Variants in ARHGAP42 observed in about 807,000 individuals in gnomAD.
The protein encoded by ARHGAP42 is Rho GTPase activating protein 42, also known as rho GTPase-activating protein 42.
A neutral mutation model predicts 125.0 loss-of-function variants in ARHGAP42; 63 were observed. The observed-to-expected ratio is 0.50, with a 90% CI of 0.41 to 0.62. The LOEUF is 0.62. Among genes scored for constraint, ARHGAP42 ranks in the 20% least tolerant of loss-of-function variants. The pLI is 0.00. For missense variants in ARHGAP42, 766 were observed against 1,024.2 expected, an observed-to-expected ratio of 0.75 and a Z score of 3.44; for synonymous variants, 339 against 351.0, an observed-to-expected ratio of 0.97 and a Z score of 0.38.
chr11:100,981,866 G>A (rs993885629), intron 22 of ARHGAP42, among the ~76,000 whole-genome samples: 3 of 152,150 alleles, frequency 2.0e-5, no homozygotes, highest in East Asian at 1.9e-4. Context: ...AGACAGTGTT[G>A]GAAAGAATGG....
chr11:100,783,233 C>G (rs1323243397), intron 2 of ARHGAP42, among the ~76,000 whole-genome samples: 2 of 152,086 alleles, frequency 1.3e-5, no homozygotes, highest in Admixed American at 1.3e-4. Flanking sequence ...CCCAGGAGTT[C>G]GAGACCAGCC....
chr11:100,736,909 C>T (rs1862079898), intron 1 of ARHGAP42, among the ~76,000 whole-genome samples: 1 of 152,098 alleles, frequency 6.6e-6, no homozygotes, highest in Non-Finnish European at 1.5e-5. Context: ...CCAGGAAACA[C>T]CAGGGATAGA....
At chr11:100,766,164 A>G (rs965139970) in intron 1 of ARHGAP42, among the ~76,000 whole-genome samples, 2 of 151,872 alleles carry the variant, frequency 1.3e-5, no homozygotes, top group African/African-American at 4.8e-5. Flanking sequence ...TATGATGTGA[A>G]TGCATGTGAA....
At chr11:100,941,983 T>A in intron 9 of ARHGAP42, 99 bp downstream of exon 9, 1 of 883,072 alleles carries the variant, frequency 1.1e-6, no homozygotes, top group Non-Finnish European at 1.7e-6. Context: ...AGTTAACATG[T>A]ACACATTTAC....
chr11:100,931,434 C>G (rs1008534665), intron 6 of ARHGAP42, among the ~76,000 whole-genome samples: 6 of 152,086 alleles, frequency 3.9e-5, no homozygotes, highest in Non-Finnish European at 8.8e-5. Context: ...GTCTTTTTTC[C>G]ATGTTCTAGA....
intron 10 of ARHGAP42, 89 bp downstream of exon 10, chr11:100,943,957 G>C (rs145445691): frequency 2.8e-5 from 23 of 830,116 alleles, no homozygotes; most frequent in Non-Finnish European, 3.6e-5. Context: ...CAGCATTCAA[G>C]TGTTTTTTAG....
chr11:100,763,129 C>T (rs1307812060), intron 1 of ARHGAP42, among the ~76,000 whole-genome samples: 2 of 151,484 alleles, frequency 1.3e-5, no homozygotes, highest in Non-Finnish European at 2.9e-5. Flanking sequence ...CAGGCATGCG[C>T]TACCATGCCC....
chr11:100,958,944 TA>T (rs1261527969), intron 12 of ARHGAP42, among the ~76,000 whole-genome samples: 8 of 152,008 alleles, frequency 5.3e-5, no homozygotes, highest in South Asian at 2.1e-4. Flanking sequence ...TTTTGATATA[TA>T]TTTTTTTGTC....
At chr11:100,800,670 G>A (rs1181160624) in intron 3 of ARHGAP42, among the ~76,000 whole-genome samples, 4 of 152,104 alleles carry the variant, frequency 2.6e-5, no homozygotes, top group Non-Finnish European at 4.4e-5. Flanking sequence ...CCATGTTTCT[G>A]TTTTTGGGGC....
At chr11:100,700,946 T>A (rs1243468819) in intron 1 of ARHGAP42, among the ~76,000 whole-genome samples, 1 of 152,246 alleles carries the variant, frequency 6.6e-6, no homozygotes, top group African/African-American at 2.4e-5. Flanking sequence ...AATTGCTGTC[T>A]ATGGCAGCTA....
chr11:100,772,819 G>T lies in ARHGAP42; in HGVS notation c.250+2381G>T, dbSNP rs142747650. 4.9e-4 allele frequency among the ~76,000 whole-genome samples: 75 copies of T among 152,198 alleles called. No homozygotes were observed. The South Asian group carries it at 0.015, about 31-fold the overall frequency. ...AGAAAAGCTATACCCACATATTTAC[G>T]TAACAGTTATTTTCACTTAGTTGTT... On this transcript the variant is annotated intron_variant, in intron 2 of 23. Coordinates refer to ENST00000298815, the MANE Select transcript of ARHGAP42 (RefSeq NM_152432.4).
At chr11:100,768,321 A>G (rs1375664222) in intron 1 of ARHGAP42, among the ~76,000 whole-genome samples, 1 of 152,126 alleles carries the variant, frequency 6.6e-6, no homozygotes, top group African/African-American at 2.4e-5. Flanking sequence ...CTAAGGAGAC[A>G]TCGACGGTAG....
intron 4 of ARHGAP42, among the ~76,000 whole-genome samples, chr11:100,860,122 C>G (rs1448690645): frequency 6.6e-6 from 1 of 152,020 alleles, no homozygotes; most frequent in Non-Finnish European, 1.5e-5. Context: ...TGAAATTTGC[C>G]TGTATCCTCA....
intron 4 of ARHGAP42, among the ~76,000 whole-genome samples, chr11:100,877,218 G>A (rs1051143243): frequency 3.3e-5 from 5 of 152,162 alleles, no homozygotes; most frequent in Admixed American, 2.0e-4. Flanking sequence ...AATCAAATCA[G>A]AAACAATAGA....
intron 4 of ARHGAP42, among the ~76,000 whole-genome samples, chr11:100,878,081 G>A (rs533171562): frequency 4.0e-4 from 60 of 150,650 alleles, no homozygotes; most frequent in African/African-American, 1.3e-3. Context: ...ATATGGGAAT[G>A]CCTGGCACAA....
At chr11:100,869,918 G>T (rs1325199286) in intron 4 of ARHGAP42, among the ~76,000 whole-genome samples, 1 of 152,034 alleles carries the variant, frequency 6.6e-6, no homozygotes, top group Non-Finnish European at 1.5e-5. Context: ...CCTCAAAATT[G>T]TATTTTTCCA....
At chr11:100,706,818 G>C (rs906276765) in intron 1 of ARHGAP42, among the ~76,000 whole-genome samples, 7 of 152,034 alleles carry the variant, frequency 4.6e-5, no homozygotes, top group Non-Finnish European at 8.8e-5. Flanking sequence ...AATATATTCA[G>C]AGTTGTACAA....
At chr11:100,805,716 G>A (rs929881012) in intron 3 of ARHGAP42, among the ~76,000 whole-genome samples, 1 of 152,156 alleles carries the variant, frequency 6.6e-6, no homozygotes, top group Non-Finnish European at 1.5e-5. Flanking sequence ...TGGAACTGAA[G>A]GTCCCTTCCC....
In ARHGAP42 at chr11:100,992,279, A is replaced by G. The variant is rs929291738; in HGVS notation, c.*3478A>G. The G allele has an allele frequency of 3.2e-6, 5 of 1,549,528 alleles. No homozygotes were observed. The highest frequency in any genetic ancestry group is 4.5e-5 in the East Asian group (2 of 44,408). On this transcript the variant is annotated 3_prime_UTR_variant, in exon 24 of 24. Transcript: ENST00000298815. ...GGAACAGATTTTGTTCTTTGCTTTT[A>G]TGATACATTTGTAACTCACAGCTGT... is the stretch of plus-strand genomic sequence containing the variant.
Sources: gnomAD v4.1 joint callset for allele counts (sites outside exome capture counted in the v4.1 genomes callset) on GRCh38, gnomAD v4.1.1 for gene constraint, MANE v1.5 for transcripts, NCBI Gene and HGNC (gene_info 2026-07-23, HGNC 2026-07-21) for gene names.